The following STON2 variants were observed in gnomAD, a reference collection of about 807,000 sequenced individuals.
STON2 encodes the protein stonin-2.
In STON2, 29 loss-of-function variants were observed where a neutral mutation model predicts 65.7. That is an observed-to-expected ratio of 0.44 (90% confidence interval 0.33 to 0.60). The LOEUF is 0.60. Ranked by LOEUF, STON2 falls within the 20% of genes least tolerant of loss-of-function variation. STON2 has a pLI of 0.03. For missense variants in STON2, 1,054 were observed against 1,118.1 expected (o/e 0.94, Z 0.82); for synonymous variants, 404 against 414.2 (o/e 0.98, Z 0.30).
intron 5 of STON2, among the ~76,000 whole-genome samples, chr14:81,283,032 C>A (rs1056402531): frequency 1.3e-5 from 2 of 152,208 alleles, no homozygotes; most frequent in Non-Finnish European, 2.9e-5. Flanking sequence ...CCACTGGCTA[C>A]CTCCAAATTG....
chr14:81,326,577 T>C (rs536855786), intron 4 of STON2, among the ~76,000 whole-genome samples: 25 of 152,142 alleles, frequency 1.6e-4, no homozygotes, highest in Non-Finnish European at 3.2e-4. Context: ...TACAAACATA[T>C]TGTATCACAA....
chr14:81,287,874 T>C (rs1194693029), intron 5 of STON2, among the ~76,000 whole-genome samples: 1 of 152,184 alleles, frequency 6.6e-6, no homozygotes, highest in Non-Finnish European at 1.5e-5. Context: ...AATGTGCCTT[T>C]CTGATATCCG....
At chr14:81,288,385 A>G (rs1895422114) in intron 5 of STON2, among the ~76,000 whole-genome samples, 2 of 152,228 alleles carry the variant, frequency 1.3e-5, no homozygotes, top group South Asian at 4.1e-4. Flanking sequence ...TAGATAGTAT[A>G]ACCTACTATA....
intron 5 of STON2, among the ~76,000 whole-genome samples, chr14:81,303,898 T>C (rs1896068258): frequency 6.6e-6 from 1 of 152,232 alleles, no homozygotes; most frequent in South Asian, 2.1e-4. Context: ...ATTTTCACAG[T>C]TGAGCACATG....
intron 2 of STON2, among the ~76,000 whole-genome samples, chr14:81,408,335 T>A (rs189564927): frequency 6.6e-6 from 1 of 152,168 alleles, no homozygotes; most frequent in Non-Finnish European, 1.5e-5. Context: ...CCAATTTCCA[T>A]TGAAAACTGG....
intron 5 of STON2, among the ~76,000 whole-genome samples, chr14:81,310,783 GT>G (rs755542634): frequency 2.0e-5 from 3 of 152,088 alleles, no homozygotes; most frequent in Non-Finnish European, 4.4e-5. Context: ...CTCTTTCCAG[GT>G]CCAATGATTC....
intron 1 of STON2, among the ~76,000 whole-genome samples, chr14:81,434,453 C>T (rs559443777): frequency 6.6e-6 from 1 of 152,184 alleles, no homozygotes; most frequent in Non-Finnish European, 1.5e-5. Context: ...TGAAAGATTG[C>T]ATCTGGAAGT....
chr14:81,424,334 C>T (rs1371911073), intron 2 of STON2, among the ~76,000 whole-genome samples: 1 of 152,098 alleles, frequency 6.6e-6, no homozygotes, highest in African/African-American at 2.4e-5. Flanking sequence ...ACCCCAGCTA[C>T]TTGGGAGGCT....
Position 81,262,771 on chromosome 14 carries a change from TA to T in STON2, c.*5642del. The T allele has an allele frequency of 1.0e-6, 1 of 985,448 alleles. No homozygotes were observed. The highest frequency in any genetic ancestry group is 1.2e-6 in the Non-Finnish European group (1 of 829,904). 61.0% of individuals were successfully genotyped at this position (985,448 alleles called of 1,614,324 possible). On this transcript the variant is annotated 3_prime_UTR_variant, in exon 8 of 8. Transcript: ENST00000614646. The stretch of plus-strand genomic sequence containing the variant: ...TTGCTAAGGCACACTAGAAGAAATG[TA>T]AAAATCTCACATTCTTGTTCTAGTT...
chr14:81,275,356 A>T (rs987206515), intron 6 of STON2, among the ~76,000 whole-genome samples: 1 of 152,114 alleles, frequency 6.6e-6, no homozygotes, highest in Non-Finnish European at 1.5e-5. Flanking sequence ...GACTCTCTAG[A>T]TACGTCACAT....
At chr14:81,293,652 C>T (rs1895649946) in intron 5 of STON2, among the ~76,000 whole-genome samples, 1 of 152,182 alleles carries the variant, frequency 6.6e-6, no homozygotes, top group Non-Finnish European at 1.5e-5. Context: ...TAAGCAGAGA[C>T]TAGAAGAGTG....
intron 5 of STON2, among the ~76,000 whole-genome samples, chr14:81,312,793 G>T (rs1268014918): frequency 6.6e-6 from 1 of 152,198 alleles, no homozygotes. Context: ...TTGAAAACTG[G>T]TAATTTTTTG....
chr14:81,281,937 GT>G (rs1217683860), intron 5 of STON2, among the ~76,000 whole-genome samples: 1 of 151,952 alleles, frequency 6.6e-6, no homozygotes, highest in African/African-American at 2.4e-5. Flanking sequence ...GCAGTTTCAT[GT>G]CCCATAATTG....
intron 3 of STON2, 98 bp downstream of exon 3, chr14:81,395,796 G>A: frequency 2.4e-6 from 3 of 1,237,642 alleles, no homozygotes; most frequent in Non-Finnish European, 2.3e-6. Flanking sequence ...CAGGGTTAGG[G>A]GGCAGATGAA....
At chr14:81,292,328 C>T (rs1225201735) in intron 5 of STON2, among the ~76,000 whole-genome samples, 1 of 152,160 alleles carries the variant, frequency 6.6e-6, no homozygotes, top group Non-Finnish European at 1.5e-5. Context: ...AAATATGCAG[C>T]AATGACAAAA....
In STON2 at chr14:81,265,755, G is replaced by GT. The variant is rs1436918008; in HGVS notation, c.*2658dup. ...TAGAAGGGATTTTTCCCAACTCTTG[G>GT]TAAAAAAAACAAAAAAGTCCAGGTG... On this transcript the variant is annotated 3_prime_UTR_variant, in exon 8 of 8. Coordinates refer to ENST00000614646, the MANE Select transcript of STON2 (RefSeq NM_001394390.1). 3.1e-6 allele frequency: 3 copies of GT among 977,716 alleles called. No homozygotes were observed. The highest frequency in any genetic ancestry group is 5.2e-4 in the Middle Eastern group (1 of 1,930). The allele number at this position is 977,716 out of a possible 1,614,324, so 60.6% of individuals were successfully genotyped here. A position where few individuals can be genotyped will look rare whatever the true frequency, so the allele number is the denominator to read the frequency against.
intron 5 of STON2, among the ~76,000 whole-genome samples, chr14:81,303,890 T>G (rs1896068004): frequency 6.6e-6 from 1 of 152,148 alleles, no homozygotes; most frequent in Admixed American, 6.5e-5. Flanking sequence ...CTCCATATAT[T>G]TTCACAGTTG....
At chr14:81,292,995 T>G (rs1398859659) in intron 5 of STON2, among the ~76,000 whole-genome samples, 1 of 152,180 alleles carries the variant, frequency 6.6e-6, no homozygotes, top group African/African-American at 2.4e-5. Flanking sequence ...CCCGTCTTGC[T>G]CAAGTCTTCA....
rs1486518483 is a variant in STON2, at chr14:81,267,823, A to G, written c.*591T>C. On this transcript the variant is annotated 3_prime_UTR_variant, in exon 8 of 8. Transcript: ENST00000614646. ...TTAGAGAGATGGAAAAAGTGTTCCA[A>G]TCTAAACGATCTAGAGCCAGGAGGG... 2 of 985,368 alleles carry G rather than the reference A, an allele frequency of 2.0e-6. No individual in the cohort carries two copies. The highest frequency in any genetic ancestry group is 6.1e-5 in the Admixed American group (1 of 16,278). The allele number at this position is 985,368 out of a possible 1,614,324, so 61.0% of individuals were successfully genotyped here. A position where few individuals can be genotyped will look rare whatever the true frequency, so the allele number is the denominator to read the frequency against.
Sources: gnomAD v4.1 joint callset for allele counts (sites outside exome capture counted in the v4.1 genomes callset) on GRCh38, gnomAD v4.1.1 for gene constraint, MANE v1.5 for transcripts, NCBI Gene and HGNC (gene_info 2026-07-23, HGNC 2026-07-21) for gene names.